The following ZNF547 variants were observed in gnomAD, a reference collection of about 807,000 sequenced individuals.
ZNF547 encodes zinc finger protein 547.
ZNF547 carries 4 observed loss-of-function variants against 7.7 expected under a neutral mutation model. The ratio of observed to expected loss-of-function variants is 0.52; its 90% confidence interval spans 0.26 to 1.20. ZNF547 has a LOEUF of 1.20. ZNF547 is among the 50% of genes most tolerant of loss of function. ZNF547 has a pLI of 0.14. For synonymous variants in ZNF547, 166 were observed against 166.2 expected (o/e 1.00, Z 0.01); for missense variants, 449 against 485.8 (o/e 0.92, Z 0.71).
rs762228311 is a variant in ZNF547, at chr19:57,371,875, A to C, written c.118A>C (p.Met40Leu). 2.6e-5 allele frequency: 42 copies of C among 1,612,512 alleles called. No homozygotes were observed. Among genetic ancestry groups the C allele is most frequent in the Non-Finnish European group, 3.5e-5 (41 of 1,179,172 alleles). Reference protein sequence around the residue: ...EAQRLLYRDVMLENLALLSSL... With the variant: ...EAQRLLYRDVLLENLALLSSL... ...TCAGAGATTGCTGTACCGTGATGTG[A>C]TGCTGGAGAATTTGGCCCTTTTGTC... is the stretch of plus-strand genomic sequence containing the variant. Residue 40 changes from methionine (M) to leucine (L), a missense_variant, in exon 3 of 4, where the codon ATG (methionine) becomes CTG (leucine). Transcript: ENST00000282282.
At chr19:57,373,420 A>G (rs924344532) in intron 3 of ZNF547, among the ~76,000 whole-genome samples, 3 of 151,726 alleles carry the variant, frequency 2.0e-5, no homozygotes, top group Non-Finnish European at 4.4e-5. Flanking sequence ...GCCTAACCAT[A>G]TTATTCCACC....
intron 3 of ZNF547, among the ~76,000 whole-genome samples, chr19:57,374,440 T>G (rs528361135): frequency 3.6e-4 from 55 of 152,344 alleles, no homozygotes; most frequent in South Asian, 1.2e-3. Context: ...GGGCCTGTGA[T>G]GGGAGGGGCT....
At chr19:57,364,678 T>C (rs2088449999) in intron 1 of ZNF547, 3 of 656,906 alleles carry the variant, frequency 4.6e-6, no homozygotes, top group South Asian at 3.7e-5. Context: ...GAGGTGGAGA[T>C]TGCAGTGAGC....
In ZNF547 at chr19:57,377,223, AC is replaced by A. The variant is rs779369087; in HGVS notation, c.250del (p.Gln84ArgfsTer13). On this transcript the variant is annotated frameshift_variant, in exon 4 of 4. Transcript: ENST00000282282. LOFTEE classifies it low-confidence loss of function (END_TRUNC). ...CATGGCTCCAAAGCCCTGTCTATCT[AC>A]CCAGAATACCCAGCCCTGTGAGACA... ...QVMAPKPCLS[T>X]QNTQPCETCS... 3.1e-6 allele frequency: 5 copies of A among 1,614,116 alleles called. No individual in the cohort carries two copies. Among genetic ancestry groups the A allele is most frequent in the Non-Finnish European group, 3.4e-6 (4 of 1,180,030 alleles).
chr19:57,372,406 G>C (rs2088512092), intron 3 of ZNF547, among the ~76,000 whole-genome samples: 1 of 152,150 alleles, frequency 6.6e-6, no homozygotes, highest in Admixed American at 6.5e-5. Context: ...GTCTCTTTCT[G>C]TGTCTTTCCC....
chr19:57,378,241 C>A lies in ZNF547; in HGVS notation c.*56C>A. 6.7e-7 allele frequency: 1 copy of A among 1,502,488 alleles called. No individual in the cohort carries two copies. Among genetic ancestry groups the A allele is most frequent in the Non-Finnish European group, 9.1e-7 (1 of 1,102,650 alleles). The allele number at this position is 1,502,488 out of a possible 1,614,324, so 93.1% of individuals were successfully genotyped here. Reference sequence around the variant, plus strand: ...GCCTTCAGTCACCAACATATTGTGGCTGGACAGCAGGCAGTACACACTGGA... The same window carrying A: ...GCCTTCAGTCACCAACATATTGTGGATGGACAGCAGGCAGTACACACTGGA... On this transcript the variant is annotated 3_prime_UTR_variant, in exon 4 of 4. Coordinates refer to ENST00000282282, the MANE Select transcript of ZNF547 (RefSeq NM_173631.4).
chr19:57,365,127 C>G (rs1168689303), intron 1 of ZNF547: 14 of 1,607,364 alleles, frequency 8.7e-6, no homozygotes, highest in African/African-American at 1.3e-5. Flanking sequence ...TAAAGAACTT[C>G]TTTACTGATG....
At chr19:57,371,625 A>T (rs1156741812) in intron 2 of ZNF547, 157 bp from the exon 3 acceptor site, 2 of 1,156,278 alleles carry the variant, frequency 1.7e-6, no homozygotes, top group Non-Finnish European at 2.4e-6. Context: ...ATGGTTAAGA[A>T]TATGTGCCCA....
At chr19:57,375,987 A>G (rs1219476992) in intron 3 of ZNF547, among the ~76,000 whole-genome samples, 1 of 152,006 alleles carries the variant, frequency 6.6e-6, no homozygotes, top group African/African-American at 2.4e-5. Flanking sequence ...ACATGGTGAA[A>G]CCCCATCTCT....
chr19:57,368,600 C>G, intron 2 of ZNF547, 21 bp downstream of exon 2: 2 of 1,613,482 alleles, frequency 1.2e-6, no homozygotes, highest in Non-Finnish European at 1.7e-6. Flanking sequence ...TGTTTTCTAC[C>G]TTTCACCTAC....
rs976670979 is a variant in ZNF547 at position 57,378,243 on chromosome 19, G to C, written c.*58G>C. On this transcript the variant is annotated 3_prime_UTR_variant, in exon 4 of 4. Transcript: ENST00000282282. ...CTTCAGTCACCAACATATTGTGGCT[G>C]GACAGCAGGCAGTACACACTGGAGA... 2.8e-5 allele frequency: 41 copies of C among 1,489,624 alleles called. 1 individual carries two copies. The East Asian group carries it at 5.9e-4, about 21-fold the overall frequency. 92.3% of individuals were successfully genotyped at this position (1,489,624 alleles called of 1,614,324 possible). A position where few individuals can be genotyped will look rare whatever the true frequency, so the allele number is the denominator to read the frequency against.
chr19:57,370,374 G>A (rs555218948), intron 2 of ZNF547, among the ~76,000 whole-genome samples: 4 of 152,282 alleles, frequency 2.6e-5, no homozygotes, highest in Admixed American at 6.5e-5. Context: ...GGCTGCCCCC[G>A]GTGCTAGGGA....
chr19:57,373,936 C>A (rs935511254), intron 3 of ZNF547, among the ~76,000 whole-genome samples: 5 of 152,166 alleles, frequency 3.3e-5, no homozygotes, highest in African/African-American at 1.2e-4. Context: ...GTTGGTGGAT[C>A]TACCATTCTG....
chr19:57,371,578 G>C, intron 2 of ZNF547: 1 of 732,588 alleles, frequency 1.4e-6, no homozygotes, highest in Non-Finnish European at 2.1e-6. Context: ...TAGAGCATGG[G>C]AAATACTGAC....
chr19:57,365,268 T>C, intron 1 of ZNF547: 2 of 1,524,164 alleles, frequency 1.3e-6, no homozygotes, highest in Non-Finnish European at 8.9e-7. Flanking sequence ...TGGAGAAAAT[T>C]CCAAAATAAA....
chr19:57,374,901 C>T (rs2088526898), intron 3 of ZNF547, among the ~76,000 whole-genome samples: 1 of 152,100 alleles, frequency 6.6e-6, no homozygotes, highest in South Asian at 2.1e-4. Flanking sequence ...CCAAACTTTC[C>T]CACATTTCCT....
At chr19:57,375,139 T>TC (rs2088528281) in intron 3 of ZNF547, among the ~76,000 whole-genome samples, 1 of 151,818 alleles carries the variant, frequency 6.6e-6, no homozygotes, top group Non-Finnish European at 1.5e-5. Context: ...TCATCTGAGG[T>TC]AGGAGTTTGA....
intron 3 of ZNF547, 98 bp downstream of exon 3, chr19:57,372,006 C>CT: frequency 1.4e-6 from 2 of 1,434,742 alleles, no homozygotes; most frequent in Non-Finnish European, 1.8e-6. Flanking sequence ...ACCATGGGTG[C>CT]TGCTTCTTTT....
At chr19:57,367,234 G>A (rs2088476540) in intron 1 of ZNF547, among the ~76,000 whole-genome samples, 1 of 152,172 alleles carries the variant, frequency 6.6e-6, no homozygotes, top group South Asian at 2.1e-4. Flanking sequence ...ATGATAAGTA[G>A]ATCTTACTGT....
Sources: gnomAD v4.1 joint callset for allele counts (sites outside exome capture counted in the v4.1 genomes callset) on GRCh38, gnomAD v4.1.1 for gene constraint, MANE v1.5 for transcripts, NCBI Gene and HGNC (gene_info 2026-07-23, HGNC 2026-07-21) for gene names.